Variants in SEC14L1 observed in about 807,000 individuals in gnomAD.
The protein encoded by SEC14L1 is SEC14 like lipid binding 1, also known as SEC14-like protein 1.
In SEC14L1, 48 loss-of-function variants were observed where a neutral mutation model predicts 85.3. The ratio of observed to expected loss-of-function variants is 0.56; its 90% CI spans 0.45 to 0.72. The LOEUF (loss-of-function observed/expected upper bound fraction) is 0.72, where lower values mean the gene tolerates loss of function less well. SEC14L1 is among the 30% of genes least tolerant of loss of function. The pLI is 0.00. For missense variants in SEC14L1, 682 were observed against 921.4 expected (o/e 0.74, Z 3.36); for synonymous variants, 391 against 355.5 (o/e 1.10, Z -1.12).
chr17:77,109,947 C>T (rs927589868), intron 3 of SEC14L1, among the ~76,000 whole-genome samples: 4 of 152,102 alleles, frequency 2.6e-5, no homozygotes, highest in Non-Finnish European at 5.9e-5. Flanking sequence ...TTTGTAGGCT[C>T]GCAAACATTT....
At chr17:77,159,382 C>CTTT (rs763082986) in intron 3 of SEC14L1, among the ~76,000 whole-genome samples, 5 of 118,146 alleles carry the variant, frequency 4.2e-5, no homozygotes, top group South Asian at 2.9e-4. Context: ...TCTTCTTCTT[C>CTTT]TTTTTTTTTT....
chr17:77,141,411 TCCGGAG>T (rs1341752244), intron 1 of SEC14L1: 2 of 141,106 alleles, frequency 1.4e-5, no homozygotes, highest in Non-Finnish European at 3.0e-5. Flanking sequence ...GAGTTTCGGG[TCCGGAG>T]CCAGTGCCCG....
In SEC14L1 at chr17:77,216,690, G is replaced by A. The variant is rs1001443905; in HGVS notation, c.*2667G>A. 1.0e-5 allele frequency: 16 copies of A among 1,549,640 alleles called. No homozygotes were observed. The highest frequency in any genetic ancestry group is 1.7e-4 in the Middle Eastern group (1 of 5,892). ...AGATCTGTTCTTTTTAAGTTGATTCGGGAGTGGCATTCTTTTATACCCAAA... is the reference window on the plus strand; with the variant it reads ...AGATCTGTTCTTTTTAAGTTGATTCAGGAGTGGCATTCTTTTATACCCAAA... On this transcript the variant is annotated 3_prime_UTR_variant, in exon 17 of 17. Coordinates refer to ENST00000436233, the MANE Select transcript of SEC14L1 (RefSeq NM_001143998.2).
chr17:77,203,459 A>T, intron 9 of SEC14L1, 111 bp from the exon 10 acceptor site: 1 of 869,380 alleles, frequency 1.2e-6, no homozygotes, highest in Non-Finnish European at 1.8e-6. Context: ...AAAGACTTTT[A>T]AGCGCCCCTA....
At chr17:77,090,704 G>A (rs1237488267) in intron 2 of SEC14L1, among the ~76,000 whole-genome samples, 6 of 151,876 alleles carry the variant, frequency 4.0e-5, no homozygotes, top group Non-Finnish European at 1.5e-5. Context: ...CTAAAAAGGT[G>A]AAGAGCTGGG....
At chr17:77,108,093 TAC>T (rs751428810) in intron 3 of SEC14L1, among the ~76,000 whole-genome samples, 141 of 150,184 alleles carry the variant, frequency 9.4e-4, no homozygotes, top group Non-Finnish European at 1.7e-3. Context: ...TGCCCCCCCA[TAC>T]CATGCGCACG....
At chr17:77,132,858 T>C (rs1211907273) in intron 3 of SEC14L1, among the ~76,000 whole-genome samples, 1 of 151,572 alleles carries the variant, frequency 6.6e-6, no homozygotes, top group Non-Finnish European at 1.5e-5. Flanking sequence ...CTCCTTTTTT[T>C]TTTTTCTTTT....
At chr17:77,151,374 G>A (rs1041507965) in intron 3 of SEC14L1, among the ~76,000 whole-genome samples, 1 of 152,140 alleles carries the variant, frequency 6.6e-6, no homozygotes, top group South Asian at 2.1e-4. Context: ...ATTAGAGTGA[G>A]CTTTCATCAC....
chr17:77,149,421 G>A (rs943859903), intron 3 of SEC14L1, among the ~76,000 whole-genome samples: 7 of 152,180 alleles, frequency 4.6e-5, no homozygotes, highest in African/African-American at 9.7e-5. Context: ...GCATGATGGC[G>A]CCTGTCTGTA....
At position 77,172,919 on chromosome 17, in the gene SEC14L1, A is replaced by C. The variant is rs112403896; in HGVS notation, c.64-17884A>C. On this transcript the variant is annotated intron_variant, in intron 3 of 16. Transcript: ENST00000436233. ...ATCCCATTGAGGATCTGTGGCCGCA[A>C]GTTTTTGCTCAGCTGCTGGGACGTT... Among the ~76,000 whole-genome samples the C allele has an allele frequency of 3.5e-3, 531 of 152,234 alleles. 1 individual carries two copies. Among genetic ancestry groups the C allele is most frequent in the African/African-American group, 0.012 (494 of 41,526 alleles).
chr17:77,172,487 G>A (rs1021522263), intron 3 of SEC14L1, among the ~76,000 whole-genome samples: 6 of 152,146 alleles, frequency 3.9e-5, no homozygotes, highest in African/African-American at 9.7e-5. Flanking sequence ...TGGCCCCTGA[G>A]TGTTCTGTTG....
At chr17:77,144,365 G>A (rs1371674108) in intron 3 of SEC14L1, among the ~76,000 whole-genome samples, 3 of 152,184 alleles carry the variant, frequency 2.0e-5, no homozygotes, top group Non-Finnish European at 4.4e-5. Context: ...TGGCACCAAG[G>A]TCAGGAACCA....
intron 3 of SEC14L1, among the ~76,000 whole-genome samples, chr17:77,148,592 C>T (rs1204154030): frequency 6.6e-6 from 1 of 152,204 alleles, no homozygotes; most frequent in Non-Finnish European, 1.5e-5. Context: ...GTGTCTCTGT[C>T]CCTTCAGCAG....
Position 77,212,180 on chromosome 17 carries a change from C to G in SEC14L1, c.1842C>G (p.Cys614Trp). Reference sequence around the variant, plus strand: ...GCATGGTGGAGTCGCCTCTGATCTGCAAAGAAGGAGAAAGCGTGCAGGTAA... The same window carrying G: ...GCATGGTGGAGTCGCCTCTGATCTGGAAAGAAGGAGAAAGCGTGCAGGTAA... ...DYSMVESPLI[C>W]KEGESVQGSH... The change falls in exon 15 of 17, where the codon TGC becomes TGG. Residue 614 changes from cysteine to tryptophan, a missense_variant. Around this residue, in one of 3 missense-constraint regions of SEC14L1, gnomAD observed 420 missense variants for 619.5 expected, o/e 0.68. Transcript: ENST00000436233. The G allele has an allele frequency of 2.5e-6, 4 of 1,613,770 alleles. No homozygotes were observed. Among genetic ancestry groups the G allele is most frequent in the Non-Finnish European group, 3.4e-6 (4 of 1,179,996 alleles).
intron 3 of SEC14L1, among the ~76,000 whole-genome samples, chr17:77,168,562 G>A (rs1974390966): frequency 6.6e-6 from 1 of 152,166 alleles, no homozygotes; most frequent in Non-Finnish European, 1.5e-5. Context: ...GACTTGTGAT[G>A]GGGTCATTTA....
At chr17:77,135,833 C>CCT (rs199710502) in intron 3 of SEC14L1, among the ~76,000 whole-genome samples, 3 of 149,902 alleles carry the variant, frequency 2.0e-5, no homozygotes, top group South Asian at 2.1e-4. Flanking sequence ...GTATCTGGCG[C>CCT]CTCTCTCTCT....
chr17:77,216,526 C>G lies in SEC14L1; in HGVS notation c.*2503C>G, dbSNP rs1238638225. ...GGCCTGAAGGTGGTCCCTGCTTTCT[C>G]TTTCTCTTTCTCTGTGTCTCAGATG... On this transcript the variant is annotated 3_prime_UTR_variant, in exon 17 of 17. Coordinates refer to ENST00000436233, the MANE Select transcript of SEC14L1 (RefSeq NM_001143998.2). The G allele has an allele frequency of 6.2e-7, 1 of 1,613,170 alleles. No individual in the cohort carries two copies. The highest frequency in any genetic ancestry group is 8.5e-7 in the Non-Finnish European group (1 of 1,179,386).
intron 9 of SEC14L1, 24 bp from the exon 10 acceptor site, chr17:77,203,546 C>T: frequency 6.2e-7 from 1 of 1,600,756 alleles, no homozygotes; most frequent in South Asian, 1.1e-5. Flanking sequence ...GTGCTGACAA[C>T]TCATTCCTTC....
intron 3 of SEC14L1, among the ~76,000 whole-genome samples, chr17:77,173,361 G>A (rs959429321): frequency 2.6e-5 from 4 of 151,672 alleles, no homozygotes; most frequent in East Asian, 1.9e-4. Context: ...GGGGCACAAC[G>A]TGAGTCGGGG....
Sources: gnomAD v4.1 joint callset for allele counts (sites outside exome capture counted in the v4.1 genomes callset) on GRCh38, gnomAD v4.1.1 for gene constraint, gnomAD v4.1.1 regional missense constraint, MANE v1.5 for transcripts, NCBI Gene and HGNC (gene_info 2026-07-23, HGNC 2026-07-21) for gene names.